PKIG: variants seen among roughly 807,000 people sequenced by gnomAD.
PKIG encodes the protein cAMP-dependent protein kinase inhibitor gamma.
In PKIG, 1 loss-of-function variant was observed where a neutral mutation model predicts 6.8. That is an observed-to-expected ratio of 0.15 (90% CI 0.05 to 0.69). The LOEUF is 0.69. Ranked by LOEUF, PKIG falls within the 30% of genes least tolerant of loss-of-function variation. The probability of loss-of-function intolerance (pLI) is 0.82; values close to 1 mark genes in which losing one functional copy is unlikely to be tolerated. For synonymous variants in PKIG, 39 were observed against 43.0 expected, an observed-to-expected ratio of 0.91 and a Z score of 0.36; for missense variants, 77 against 104.0, an observed-to-expected ratio of 0.74 and a Z score of 1.13.
At chr20:44,595,508 T>TTTTA (rs571769273) in intron 2 of PKIG, among the ~76,000 whole-genome samples, 7 of 151,342 alleles carry the variant, frequency 4.6e-5, no homozygotes, top group Non-Finnish European at 8.8e-5. Flanking sequence ...CCCCAAGTAC[T>TTTTA]TTTATTTATT....
upstream of PKIG, among the ~76,000 whole-genome samples, chr20:44,580,397 G>C (rs1368125253): frequency 2.6e-5 from 4 of 151,856 alleles, no homozygotes; most frequent in African/African-American, 9.7e-5. Context: ...CCAAGCTGGA[G>C]TGCAGTGGTG....
intron 1 of PKIG, among the ~76,000 whole-genome samples, chr20:44,576,016 A>G (rs543436970): frequency 1.4e-4 from 21 of 152,130 alleles, no homozygotes; most frequent in African/African-American, 4.8e-4. Flanking sequence ...AACTTTTTCT[A>G]TCTTCCGGAA....
At chr20:44,579,384 C>T (rs2064928052), upstream of PKIG, among the ~76,000 whole-genome samples, 1 of 152,188 alleles carries the variant, frequency 6.6e-6, no homozygotes, top group African/African-American at 2.4e-5. Context: ...GCCAAGTTTC[C>T]TGAAGGGAAG....
intron 2 of PKIG, among the ~76,000 whole-genome samples, chr20:44,596,003 TATC>T (rs762781364): frequency 3.3e-5 from 5 of 152,220 alleles, no homozygotes; most frequent in Non-Finnish European, 5.9e-5. Context: ...GTTTTACTCT[TATC>T]ATTGTTATTA....
At chr20:44,592,370 A>G (rs1247104398) in intron 2 of PKIG, among the ~76,000 whole-genome samples, 1 of 152,170 alleles carries the variant, frequency 6.6e-6, no homozygotes, top group Non-Finnish European at 1.5e-5. Context: ...CTGTTCTCTT[A>G]CAAACCTTGA....
intron 2 of PKIG, among the ~76,000 whole-genome samples, chr20:44,600,091 C>T (rs2065108600): frequency 6.6e-6 from 1 of 152,130 alleles, no homozygotes; most frequent in Non-Finnish European, 1.5e-5. Flanking sequence ...CTATAGGGAG[C>T]AGGGTTACAG....
At position 44,582,634 on chromosome 20, in the gene PKIG, C is replaced by T. The variant is rs903223275; in HGVS notation, c.-191C>T. The T allele has an allele frequency of 1.3e-5, 2 of 152,372 alleles. No individual in the cohort carries two copies. The highest frequency in any genetic ancestry group is 4.8e-5 in the African/African-American group (2 of 41,450). 9.4% of individuals were successfully genotyped at this position (152,372 alleles called of 1,614,324 possible). A position where few individuals can be genotyped will look rare whatever the true frequency, so the allele number is the denominator to read the frequency against. On this transcript the variant is annotated 5_prime_UTR_variant, in exon 1 of 4. Transcript: ENST00000372886. ...GAGGGTAAAGTGAGAATCCTGCCCGCACCACAGGTCTGGACTGCTAACCTT... is the reference window on the plus strand; with the variant it reads ...GAGGGTAAAGTGAGAATCCTGCCCGTACCACAGGTCTGGACTGCTAACCTT...
At position 44,564,494 on chromosome 20, in the gene PKIG, A is replaced by G. The variant is rs188042455; in HGVS notation, c.-240-18091A>G. Among the ~76,000 whole-genome samples, 478 of 152,182 alleles carry G rather than the reference A, an allele frequency of 3.1e-3. 1 individual carries two copies. Among genetic ancestry groups the G allele is most frequent in the African/African-American group, 0.011 (447 of 41,516 alleles). On this transcript the variant is annotated intron_variant, in intron 1 of 4. Transcript: ENST00000372887. ...GTGTTTTTTTTTTCTGATGTCATGA[A>G]AGGACACAGCTTCATTTTATGTATA...
intron 1 of PKIG, among the ~76,000 whole-genome samples, chr20:44,535,978 C>T (rs2064508751): frequency 6.6e-6 from 1 of 152,212 alleles, no homozygotes; most frequent in African/African-American, 2.4e-5. Flanking sequence ...CGCCTCCCCA[C>T]CAGCCCTTGG....
At chr20:44,560,397 A>G (rs1207124543) in intron 1 of PKIG, among the ~76,000 whole-genome samples, 1 of 152,242 alleles carries the variant, frequency 6.6e-6, no homozygotes, top group Non-Finnish European at 1.5e-5. Flanking sequence ...ATGGCCATAT[A>G]TTCAGCAAAA....
Position 44,610,348 on chromosome 20 carries a change from C to T in PKIG, c.-23-4186C>T, listed in dbSNP as rs546131611. On this transcript the variant is annotated intron_variant, in intron 2 of 3. Coordinates refer to ENST00000372886, the MANE Select transcript of PKIG (RefSeq NM_001281445.2). ...ACCATAGGACACCTCCCTGTCTCAC[C>T]TGTCTGATCTTTGAGGGCCCCTAAT... Among the ~76,000 whole-genome samples the T allele has an allele frequency of 2.4e-4, 36 of 152,300 alleles. No homozygotes were observed. In the South Asian group the frequency reaches 6.8e-3, roughly 29 times the overall value.
chr20:44,588,046 C>T (rs2065004639), intron 1 of PKIG, among the ~76,000 whole-genome samples: 1 of 152,180 alleles, frequency 6.6e-6, no homozygotes, highest in East Asian at 1.9e-4. Flanking sequence ...AACATGAACA[C>T]ATTGTGAAAA....
intron 1 of PKIG, among the ~76,000 whole-genome samples, chr20:44,535,275 A>AG (rs1657040120): frequency 6.6e-6 from 1 of 152,118 alleles, no homozygotes; most frequent in Admixed American, 6.5e-5. Context: ...ATACTGGAGA[A>AG]GGGGTAGGTT....
chr20:44,566,942 A>T (rs1267689692), intron 1 of PKIG, among the ~76,000 whole-genome samples: 2 of 152,242 alleles, frequency 1.3e-5, no homozygotes, highest in Non-Finnish European at 2.9e-5. Flanking sequence ...ATGAATAGGC[A>T]TGTTCCATTC....
chr20:44,603,255 G>A (rs2065137083), intron 2 of PKIG, among the ~76,000 whole-genome samples: 1 of 152,054 alleles, frequency 6.6e-6, no homozygotes, highest in Admixed American at 6.6e-5. Flanking sequence ...ATGTCCAAAG[G>A]CAGGTTTTAC....
At chr20:44,580,013 G>A (rs904853836), upstream of PKIG, among the ~76,000 whole-genome samples, 7 of 152,196 alleles carry the variant, frequency 4.6e-5, no homozygotes, top group African/African-American at 1.7e-4. Flanking sequence ...ATTACTCATC[G>A]TGACATTCTG....
At chr20:44,557,819 A>G (rs1600850072) in intron 1 of PKIG, among the ~76,000 whole-genome samples, 1 of 151,878 alleles carries the variant, frequency 6.6e-6, no homozygotes, top group African/African-American at 2.4e-5. Context: ...GCAAGACTCC[A>G]TCTCAAAAAA....
chr20:44,534,703 A>C (rs1600830612), intron 1 of PKIG, among the ~76,000 whole-genome samples: 1 of 152,130 alleles, frequency 6.6e-6, no homozygotes, highest in East Asian at 1.9e-4. Context: ...TCCAGACCTC[A>C]AGTGATCCAC....
In PKIG at chr20:44,614,341, T is replaced by G. The variant is rs2065244645; in HGVS notation, c.-23-193T>G. On this transcript the variant is annotated intron_variant, in intron 2 of 3. Transcript: ENST00000372886. The surrounding 1 kb of genome is among the most constrained non-coding windows in gnomAD (Gnocchi z 4.6). ...GAGCCCATGTTCTTTAAAATGTTGA[T>G]GGTGGTTGTCTGGGTGTGGAATTAT... is the stretch of plus-strand genomic sequence containing the variant. The G allele has an allele frequency of 2.0e-6, 1 of 505,888 alleles. No homozygotes were observed. Among genetic ancestry groups the G allele is most frequent in the African/African-American group, 1.9e-5 (1 of 51,804 alleles). 31.3% of individuals were successfully genotyped at this position (505,888 alleles called of 1,614,324 possible).
Sources: allele counts gnomAD v4.1 joint callset (sites outside exome capture counted in the v4.1 genomes callset), GRCh38; gene constraint gnomAD v4.1.1; non-coding constraint Gnocchi (gnomAD v3.1); transcripts MANE v1.5; gene names NCBI Gene and HGNC (gene_info 2026-07-23, HGNC 2026-07-21).